The following KDM4B variants were observed in gnomAD, a reference collection of about 807,000 sequenced individuals.
KDM4B encodes the protein lysine demethylase 4B.
KDM4B carries 32 observed loss-of-function variants against 125.2 expected under a neutral mutation model. The observed-to-expected ratio is 0.26, with a 90% CI of 0.19 to 0.34. The LOEUF (loss-of-function observed/expected upper bound fraction) is 0.34, where lower values mean the gene tolerates loss of function less well. KDM4B is among the 10% of genes least tolerant of loss of function. The pLI is 1.00. For synonymous variants in KDM4B, 721 were observed against 677.9 expected (o/e 1.06, Z -0.99); for missense variants, 1,190 against 1,577.7 (o/e 0.75, Z 4.16).
At position 5,151,463 on chromosome 19, in the gene KDM4B, C is replaced by G. The variant is rs756290036; in HGVS notation, c.3243C>G (p.Phe1081Leu). Residue 1081 changes from phenylalanine to leucine, a missense_variant, in exon 23 of 23, where the codon TTC (phenylalanine) becomes TTG (leucine). Coordinates refer to ENST00000159111, the MANE Select transcript of KDM4B (RefSeq NM_015015.3). ...GGCGGAGCCAGGACTACGTGGCCTT[C>G]GTGGAGAGCCTCCTGCAGGTGCAGG... is the stretch of plus-strand genomic sequence containing the variant. ...DSGRSQDYVA[F>L]VESLLQVQGR... 1 of 1,519,186 alleles carries G rather than the reference C, an allele frequency of 6.6e-7. No homozygotes were observed. The highest frequency in any genetic ancestry group is 2.0e-5 in the Admixed American group (1 of 49,102). The allele number at this position is 1,519,186 out of a possible 1,614,324, so 94.1% of individuals were successfully genotyped here. A position where few individuals can be genotyped will look rare whatever the true frequency, so the allele number is the denominator to read the frequency against.
intron 1 of KDM4B, among the ~76,000 whole-genome samples, chr19:5,014,655 C>G (rs935913209): frequency 6.6e-6 from 1 of 152,148 alleles, no homozygotes; most frequent in African/African-American, 2.4e-5. Context: ...GTGATCCTCC[C>G]TCATCATCCT....
At position 5,035,414 on chromosome 19, in the gene KDM4B, T is replaced by C. The variant is rs1364438964; in HGVS notation, c.141+2383T>C. ...GAGGTGCCTTTAAATGCCCGCCCCG[T>C]CACTTCTTCCTCATCCCTCACCTCC... On this transcript the variant is annotated intron_variant, in intron 3 of 22. Transcript: ENST00000159111. The surrounding 1 kb of genome is among the most constrained non-coding windows in gnomAD (Gnocchi z 5.3). Among the ~76,000 whole-genome samples, 1 of 152,078 alleles carries C rather than the reference T, an allele frequency of 6.6e-6. No homozygotes were observed. Among genetic ancestry groups the C allele is most frequent in the Non-Finnish European group, 1.5e-5 (1 of 67,990 alleles).
In KDM4B at chr19:5,114,600, C is replaced by A. The variant is rs1230840872; in HGVS notation, c.1115+3782C>A. 1 of 314,658 alleles carries A rather than the reference C, an allele frequency of 3.2e-6. No individual in the cohort carries two copies. Among genetic ancestry groups the A allele is most frequent in the African/African-American group, 2.2e-5 (1 of 45,472 alleles). 19.5% of individuals were successfully genotyped at this position (314,658 alleles called of 1,614,324 possible). On this transcript the variant is annotated intron_variant, in intron 10 of 22. Transcript: ENST00000159111. This position sits in a 1 kb window ranked among gnomAD's most constrained non-coding sequence, Gnocchi z 5.8. The stretch of plus-strand genomic sequence containing the variant: ...CTGTCTCTTTCCTAGAGCTGCCCTT[C>A]ATTTTCTCAAAGGTGAAATTCCTCA...
chr19:5,089,770 G>A (rs938795625), intron 9 of KDM4B, among the ~76,000 whole-genome samples: 5 of 151,672 alleles, frequency 3.3e-5, no homozygotes, highest in Non-Finnish European at 5.9e-5. Flanking sequence ...GGGAAGAGTG[G>A]GGTCCGCCAT....
intron 11 of KDM4B, among the ~76,000 whole-genome samples, chr19:5,128,853 C>T (rs1242840887): frequency 2.7e-3 from 5 of 1,824 alleles, no homozygotes; most frequent in East Asian, 0.018. Context: ...ACAGTGGAGG[C>T]GGGGGGCGGG....
Position 5,082,136 on chromosome 19 carries a change from G to C in KDM4B, c.781-231G>C, listed in dbSNP as rs189938337. Among the ~76,000 whole-genome samples, 4 of 152,236 alleles carry C rather than the reference G, an allele frequency of 2.6e-5. No individual in the cohort carries two copies. Among genetic ancestry groups the C allele is most frequent in the African/African-American group, 7.2e-5 (3 of 41,470 alleles). ...GGGGCTGGAGGGGCCCGGCTGAGCC[G>C]AGTGGAGGTTGCAGAGCTGTGGCTG... On this transcript the variant is annotated intron_variant, in intron 8 of 22. Coordinates refer to ENST00000159111, the MANE Select transcript of KDM4B (RefSeq NM_015015.3). The surrounding 1 kb of genome is among the most constrained non-coding windows in gnomAD (Gnocchi z 5.4).
intron 22 of KDM4B, among the ~76,000 whole-genome samples, chr19:5,150,913 C>T (rs946708359): frequency 3.3e-5 from 5 of 152,190 alleles, no homozygotes; most frequent in Admixed American, 1.3e-4. Flanking sequence ...CTGGAGGCAG[C>T]GGAGGCAGCT....
chr19:5,114,323 A>T lies in KDM4B; in HGVS notation c.1115+3505A>T. The T allele has an allele frequency of 2.1e-6, 2 of 970,858 alleles. No homozygotes were observed. The highest frequency in any genetic ancestry group is 2.9e-6 in the Non-Finnish European group (2 of 698,680). The allele number at this position is 970,858 out of a possible 1,614,324, so 60.1% of individuals were successfully genotyped here. The stretch of plus-strand genomic sequence containing the variant: ...GCTGGGCCCAGGCCTCGTCTCCCCT[A>T]CCCCTCCGAGCTCGGTGCTGCCTGT... On this transcript the variant is annotated intron_variant, in intron 10 of 22. Coordinates refer to ENST00000159111, the MANE Select transcript of KDM4B (RefSeq NM_015015.3). This position sits in a 1 kb window ranked among gnomAD's most constrained non-coding sequence, Gnocchi z 5.8.
chr19:5,143,970 T>A lies in KDM4B; in HGVS notation c.2554T>A (p.Cys852Ser). 1 of 1,579,586 alleles carries A rather than the reference T, an allele frequency of 6.3e-7. No individual in the cohort carries two copies. Among genetic ancestry groups the A allele is most frequent in the Non-Finnish European group, 8.7e-7 (1 of 1,154,258 alleles). ...CTGCCTGTGTCCCCATCCCCAGAAA[T>A]GCGTGTACTGCCGGAAGCGGATGAA... ...AIPEQRWKLK[C>S]VYCRKRMKKV... The change falls in exon 19 of 23, where the codon TGC becomes AGC. Residue 852 changes from cysteine (C) to serine (S), a missense_variant. Physicochemically the swap from Cys to Ser is moderately radical, Grantham distance 112 (BLOSUM62 -1). Around this residue, in one of 7 missense-constraint regions of KDM4B, gnomAD observed 298 missense variants for 439.7 expected, o/e 0.68. Transcript: ENST00000159111.
At position 5,057,617 on chromosome 19, in the gene KDM4B, T is replaced by G. The variant is rs191345257; in HGVS notation, c.626+9948T>G. 1.1e-3 allele frequency among the ~76,000 whole-genome samples: 171 copies of G among 152,264 alleles called. 1 individual carries two copies. The highest frequency in any genetic ancestry group is 0.011 in the Admixed American group (170 of 15,300). ...GCAGCAGCTTTGCCTGGAGTAACCC[T>G]TTGACTTGTGCCCCTGGCTCCACGT... On this transcript the variant is annotated intron_variant, in intron 6 of 22. Transcript: ENST00000159111.
In KDM4B at chr19:5,082,496, G is replaced by A; in HGVS notation, c.910G>A (p.Ala304Thr). ...TLRWIDYGKV[A>T]TQCTCRKDMV... ...GCGGTGGATTGACTACGGCAAAGTG[G>A]CCACTCAGGTAAAAGCTTGCCTGCT... Residue 304 changes from alanine to threonine, a missense_variant, in exon 9 of 23, where the codon GCC becomes ACC. Coordinates refer to ENST00000159111, the MANE Select transcript of KDM4B (RefSeq NM_015015.3). The surrounding 1 kb of genome is among the most constrained non-coding windows in gnomAD (Gnocchi z 5.4). The A allele has an allele frequency of 6.2e-7, 1 of 1,600,936 alleles. No individual in the cohort carries two copies. The highest frequency in any genetic ancestry group is 8.5e-7 in the Non-Finnish European group (1 of 1,173,280).
rs761933750 is a variant in KDM4B, at chr19:5,142,256, C to T, written c.2551-1711C>T. On this transcript the variant is annotated intron_variant, in intron 18 of 22. Transcript: ENST00000159111. This position sits in a 1 kb window ranked among gnomAD's most constrained non-coding sequence, Gnocchi z 5.4. The stretch of plus-strand genomic sequence containing the variant: ...CCGTAGACCCTGACTCCCCGGCACA[C>T]ACTGGCCTGGGCCAGGCCAGCACTG... Among the ~76,000 whole-genome samples the T allele has an allele frequency of 3.9e-4, 60 of 152,244 alleles. No homozygotes were observed. Among genetic ancestry groups the T allele is most frequent in the Middle Eastern group, 3.4e-3 (1 of 294 alleles).
intron 10 of KDM4B, chr19:5,113,856 G>A (rs1354505074): frequency 1.0e-6 from 1 of 979,922 alleles, no homozygotes; most frequent in East Asian, 1.1e-4. Flanking sequence ...CCCTCGGCGT[G>A]GCTGTGGGAT....
Position 4,985,587 on chromosome 19 carries a change from G to A in KDM4B, c.-109+16357G>A, listed in dbSNP as rs183212985. ...CTGGGGCTGCCATGGGAGGCTTGGA[G>A]CCCGAGGGTGGTGAGGATGGAATTA... On this transcript the variant is annotated intron_variant, in intron 1 of 22. Coordinates refer to ENST00000159111, the MANE Select transcript of KDM4B (RefSeq NM_015015.3). Among the ~76,000 whole-genome samples the A allele has an allele frequency of 3.3e-5, 5 of 152,386 alleles. No individual in the cohort carries two copies. In the East Asian group the frequency reaches 9.6e-4, roughly 29 times the overall value.
At chr19:5,015,257 T>C (rs552629190) in intron 1 of KDM4B, among the ~76,000 whole-genome samples, 1 of 151,838 alleles carries the variant, frequency 6.6e-6, no homozygotes, top group Non-Finnish European at 1.5e-5. Flanking sequence ...GAAAGTCCTT[T>C]TTTTTCCCTA....
At chr19:5,027,659 G>A (rs1343647405) in intron 2 of KDM4B, among the ~76,000 whole-genome samples, 2 of 150,414 alleles carry the variant, frequency 1.3e-5, no homozygotes, top group African/African-American at 2.5e-5. Context: ...TCTTGCCTCA[G>A]CCTCCTGAGT....
At chr19:5,097,962 A>G (rs2038860519) in intron 9 of KDM4B, among the ~76,000 whole-genome samples, 1 of 152,188 alleles carries the variant, frequency 6.6e-6, no homozygotes, top group African/African-American at 2.4e-5. Flanking sequence ...GGGGGGCGCA[A>G]ATGTCAGTCG....
At chr19:5,100,626 C>T (rs12327662) in intron 9 of KDM4B, among the ~76,000 whole-genome samples, 4 of 152,062 alleles carry the variant, frequency 2.6e-5, no homozygotes, top group African/African-American at 9.7e-5. Flanking sequence ...GCCATGTTGC[C>T]CAGGCTAGTC....
In KDM4B at chr19:5,082,382, G is replaced by A. The variant is rs377665250; in HGVS notation, c.796G>A (p.Gly266Arg). The A allele has an allele frequency of 5.0e-6, 8 of 1,613,468 alleles. No individual in the cohort carries two copies. Among genetic ancestry groups the A allele is most frequent in the East Asian group, 2.2e-5 (1 of 44,862 alleles). Residue 266 changes from glycine (G) to arginine (R), a missense_variant, in exon 9 of 23, where the codon GGG becomes AGG. By Grantham distance (125) the Gly-to-Arg change is moderately radical. Transcript: ENST00000159111. This position sits in a 1 kb window ranked among gnomAD's most constrained non-coding sequence, Gnocchi z 5.4. ...CCCTCTGCAGATCACGCAGGAGGCC[G>A]GGGAATTCATGATCACATTTCCCTA... Reference protein sequence around the residue: ...IPFSRITQEAGEFMITFPYGY... With the variant: ...IPFSRITQEAREFMITFPYGY...
Sources: gnomAD v4.1 joint callset for allele counts (sites outside exome capture counted in the v4.1 genomes callset) on GRCh38, gnomAD v4.1.1 for gene constraint, gnomAD v4.1.1 regional missense constraint, Gnocchi (gnomAD v3.1) non-coding constraint, MANE v1.5 for transcripts, NCBI Gene and HGNC (gene_info 2026-07-23, HGNC 2026-07-21) for gene names.